ABCC1: variants seen among roughly 807,000 people sequenced by gnomAD.
ABCC1 encodes the protein multidrug resistance-associated protein 1.
In ABCC1, 83 loss-of-function variants were observed where a neutral mutation model predicts 172.9. The ratio of observed to expected loss-of-function variants is 0.48; its 90% confidence interval spans 0.40 to 0.58. The LOEUF (loss-of-function observed/expected upper bound fraction) is 0.58, where lower values mean the gene tolerates loss of function less well. ABCC1 is among the 20% of genes least tolerant of loss of function. ABCC1 has a pLI of 0.00. For synonymous variants in ABCC1, 937 were observed against 825.2 expected, an observed-to-expected ratio of 1.14 and a Z score of -2.32; for missense variants, 1,817 against 2,002.7, an observed-to-expected ratio of 0.91 and a Z score of 1.77.
intron 10 of ABCC1, among the ~76,000 whole-genome samples, chr16:16,049,151 T>A (rs1597172809): frequency 1.3e-5 from 2 of 152,318 alleles, no homozygotes; most frequent in East Asian, 3.9e-4. Context: ...AACATCATTC[T>A]CAGTGGTACT....
intron 16 of ABCC1, 21 bp from the exon 17 acceptor site, chr16:16,083,345 C>G: frequency 6.2e-7 from 1 of 1,610,238 alleles, no homozygotes; most frequent in Non-Finnish European, 8.5e-7. Flanking sequence ...TGTCTCACCT[C>G]GTTCTCCATT....
chr16:16,029,385 G>A (rs759932157), intron 5 of ABCC1, among the ~76,000 whole-genome samples: 16 of 151,982 alleles, frequency 1.1e-4, no homozygotes, highest in Non-Finnish European at 1.5e-4. Flanking sequence ...ACCATGTCCG[G>A]CCAATTTTTA....
In ABCC1 at chr16:16,009,777, C is replaced by T; in HGVS notation, c.227C>T (p.Ala76Val). The change falls in exon 3 of 31, where the codon GCC becomes GTC. Residue 76 changes from alanine (A) to valine (V), a missense_variant and splice_region_variant. Ala to Val is a moderately conservative substitution (Grantham distance 64, BLOSUM62 0). Around this residue, in one of 3 missense-constraint regions of ABCC1, gnomAD observed 398 missense variants for 384.2 expected, o/e 1.04. Transcript: ENST00000399410. ...QMTPLNKTKT[A>V]LGFLLWIVCW... is the part of the protein sequence containing the mutation. ...GATATGTATGTGCTTCTCTTCCAGG[C>T]CTTGGGATTTTTGCTGTGGATCGTC... 1 of 1,604,356 alleles carries T rather than the reference C, an allele frequency of 6.2e-7. No individual in the cohort carries two copies. Among genetic ancestry groups the T allele is most frequent in the Non-Finnish European group, 8.5e-7 (1 of 1,175,732 alleles).
intron 13 of ABCC1, among the ~76,000 whole-genome samples, chr16:16,070,348 A>G (rs1199738583): frequency 6.6e-6 from 1 of 151,360 alleles, no homozygotes; most frequent in Non-Finnish European, 1.5e-5. Context: ...AGCCTGGGCA[A>G]CAGAGCAAGA....
intron 26 of ABCC1, among the ~76,000 whole-genome samples, chr16:16,130,117 C>T (rs1211065513): frequency 6.6e-6 from 1 of 152,360 alleles, no homozygotes; most frequent in Admixed American, 6.5e-5. Flanking sequence ...GTTACCGCCC[C>T]TCTCTGTGTC....
intron 1 of ABCC1, among the ~76,000 whole-genome samples, chr16:15,985,855 C>T (rs1357833980): frequency 6.6e-6 from 1 of 152,160 alleles, no homozygotes; most frequent in Non-Finnish European, 1.5e-5. Flanking sequence ...GGTGTTCTTT[C>T]CGGAAGCTTG....
intron 1 of ABCC1, among the ~76,000 whole-genome samples, chr16:15,988,451 C>G (rs2046789581): frequency 6.6e-6 from 1 of 152,176 alleles, no homozygotes; most frequent in African/African-American, 2.4e-5. Context: ...GCAGTGTCCC[C>G]AGACATATCC....
At chr16:16,099,305 C>T (rs1181450190) in intron 19 of ABCC1, among the ~76,000 whole-genome samples, 1 of 152,156 alleles carries the variant, frequency 6.6e-6, no homozygotes, top group African/African-American at 2.4e-5. Flanking sequence ...ACACATGGGC[C>T]CAGACAATGC....
chr16:16,057,960 G>T (rs1249779032), intron 12 of ABCC1, among the ~76,000 whole-genome samples: 1 of 152,084 alleles, frequency 6.6e-6, no homozygotes, highest in Admixed American at 6.6e-5. Context: ...TTGTGTTCAT[G>T]ATGGATGCTT....
intron 18 of ABCC1, among the ~76,000 whole-genome samples, chr16:16,087,301 T>A (rs1313200073): frequency 1.3e-5 from 2 of 152,198 alleles, no homozygotes; most frequent in Non-Finnish European, 2.9e-5. Context: ...ACATTGCCTG[T>A]GACCTAGCAG....
chr16:16,122,767 C>T (rs1044008134), intron 24 of ABCC1, among the ~76,000 whole-genome samples: 27 of 150,776 alleles, frequency 1.8e-4, no homozygotes, highest in Non-Finnish European at 3.4e-4. Flanking sequence ...GCCTGTAGTC[C>T]TAGCTTCTCG....
Position 16,138,518 on chromosome 16 carries a change from A to G in ABCC1, c.4447A>G (p.Thr1483Ala). Reference protein sequence around the residue: ...RTQFEDCTVLTIAHRLNTIMD... With the variant: ...RTQFEDCTVLAIAHRLNTIMD... ...ACAGTTCGAGGACTGCACCGTCCTC[A>G]CCATCGCCCACCGGCTCAACACCAT... Residue 1483 changes from threonine (T) to alanine (A), a missense_variant, in exon 30 of 31, where the codon ACC becomes GCC. Thr to Ala is a moderately conservative substitution (Grantham distance 58). Around this residue, in one of 3 missense-constraint regions of ABCC1, gnomAD observed 1,412 missense variants for 1,600.3 expected, o/e 0.88. Coordinates refer to ENST00000399410, the MANE Select transcript of ABCC1 (RefSeq NM_004996.4). The G allele has an allele frequency of 1.9e-6, 3 of 1,603,952 alleles. No individual in the cohort carries two copies. The South Asian group carries it at 3.3e-5, about 18-fold the overall frequency.
intron 10 of ABCC1, among the ~76,000 whole-genome samples, chr16:16,051,693 G>A (rs1165444551): frequency 6.6e-6 from 1 of 152,112 alleles, no homozygotes; most frequent in Non-Finnish European, 1.5e-5. Context: ...GGTCACATAA[G>A]CAGCCTTTGC....
Position 16,141,538 on chromosome 16 carries a change from GACAC to G in ABCC1, c.*261_*264del. 2.1e-6 allele frequency: 1 copy of G among 483,870 alleles called. No individual in the cohort carries two copies. Among genetic ancestry groups the G allele is most frequent in the Non-Finnish European group, 3.7e-6 (1 of 270,456 alleles). 30.0% of individuals were successfully genotyped at this position (483,870 alleles called of 1,614,324 possible). Reference sequence around the variant, plus strand: ...ACCCTGCCCCTGGTGCCCTGAGACAGACACACAGCCTCACGCCCCCAGGAATGCA... The same window carrying G: ...ACCCTGCCCCTGGTGCCCTGAGACAGACAGCCTCACGCCCCCAGGAATGCA... On this transcript the variant is annotated 3_prime_UTR_variant, in exon 31 of 31. Coordinates refer to ENST00000399410, the MANE Select transcript of ABCC1 (RefSeq NM_004996.4).
chr16:15,958,113 A>T lies in ABCC1; in HGVS notation c.48+8314A>T, dbSNP rs369336381. Among the ~76,000 whole-genome samples, 127 of 151,578 alleles carry T rather than the reference A, an allele frequency of 8.4e-4. 3 individuals are homozygous for T. Among genetic ancestry groups the T allele is most frequent in the African/African-American group, 2.8e-3 (114 of 41,302 alleles). On this transcript the variant is annotated intron_variant, in intron 1 of 30. Coordinates refer to ENST00000399410, the MANE Select transcript of ABCC1 (RefSeq NM_004996.4). ...GTTTGTTGCCTTTGTTTTATTTTAT[A>T]TTATTTTTTTGAGACGAAGTCTCGC... is the stretch of plus-strand genomic sequence containing the variant.
chr16:16,030,276 A>C (rs1300788517), intron 5 of ABCC1, among the ~76,000 whole-genome samples: 1 of 152,078 alleles, frequency 6.6e-6, no homozygotes, highest in Non-Finnish European at 1.5e-5. Context: ...TAATCCCACC[A>C]CTTTGGGAAG....
chr16:16,032,302 T>G (rs1431267489), intron 5 of ABCC1, among the ~76,000 whole-genome samples: 1 of 152,222 alleles, frequency 6.6e-6, no homozygotes, highest in African/African-American at 2.4e-5. Context: ...AGGGATGATA[T>G]AATACTTTTA....
chr16:16,112,268 C>T (rs532174114), intron 22 of ABCC1, among the ~76,000 whole-genome samples: 1 of 151,860 alleles, frequency 6.6e-6, no homozygotes, highest in African/African-American at 2.4e-5. Context: ...CAGCTGAGGT[C>T]ACAAGATTGC....
At chr16:16,113,276 C>G (rs1373182407) in intron 22 of ABCC1, among the ~76,000 whole-genome samples, 2 of 152,198 alleles carry the variant, frequency 1.3e-5, no homozygotes, top group Non-Finnish European at 2.9e-5. Context: ...TACCTGAACT[C>G]ACACAGCAAC....
Sources: allele counts gnomAD v4.1 joint callset (sites outside exome capture counted in the v4.1 genomes callset), GRCh38; gene constraint gnomAD v4.1.1; regional missense constraint gnomAD v4.1.1; transcripts MANE v1.5; gene names NCBI Gene and HGNC (gene_info 2026-07-23, HGNC 2026-07-21).